Variants in MEGF6 observed in about 807,000 individuals in gnomAD.
MEGF6 encodes multiple EGF like domains 6.
MEGF6 carries 184 observed loss-of-function variants against 207.1 expected under a neutral mutation model. The ratio of observed to expected loss-of-function variants is 0.89; its 90% CI spans 0.79 to 1.00. The LOEUF is 1.00. MEGF6 is among the 50% of genes least tolerant of loss of function. The pLI, the probability that MEGF6 is intolerant of heterozygous loss-of-function variation, is 0.00. For synonymous variants in MEGF6, 1,038 were observed against 910.0 expected, an observed-to-expected ratio of 1.14 and a Z score of -2.53; for missense variants, 2,282 against 2,202.9, an observed-to-expected ratio of 1.04 and a Z score of -0.72.
intron 3 of MEGF6, among the ~76,000 whole-genome samples, chr1:3,583,890 AGCCACCAGACAACGCG>A (rs1643862331): frequency 6.6e-6 from 1 of 152,146 alleles, no homozygotes; most frequent in Non-Finnish European, 1.5e-5. Context: ...GACAACGCGC[AGCCACCAGACAACGCG>A]CAGCCACCAG....
chr1:3,590,707 C>T (rs1643962446), intron 3 of MEGF6, among the ~76,000 whole-genome samples: 1 of 152,084 alleles, frequency 6.6e-6, no homozygotes, highest in Admixed American at 6.5e-5. Context: ...GCATCATCGG[C>T]TCAGGGGCCT....
At chr1:3,601,774 C>T (rs1644162871) in intron 2 of MEGF6, among the ~76,000 whole-genome samples, 2 of 152,364 alleles carry the variant, frequency 1.3e-5, no homozygotes, top group African/African-American at 4.8e-5. Context: ...CTGCCAGAGC[C>T]CCCTGGAGCA....
chr1:3,618,740 A>G, the MEGF6 span, among the ~76,000 whole-genome samples: 2 of 152,096 alleles, frequency 1.3e-5, no homozygotes, highest in African/African-American at 4.8e-5. The surrounding 1 kb of genome is among the most constrained non-coding windows in gnomAD (Gnocchi z 4.7). Context: ...GCCCTCGTAC[A>G]CAGCCCTGGG....
At chr1:3,609,899 G>T (rs563574787) in intron 1 of MEGF6, among the ~76,000 whole-genome samples, 1 of 152,218 alleles carries the variant, frequency 6.6e-6, no homozygotes, top group Non-Finnish European at 1.5e-5. Context: ...ATCCACCTCC[G>T]CCAAGCAGCA....
In MEGF6 at chr1:3,493,908, G is replaced by A; in HGVS notation, c.4259-9C>T. ...TGAACCTGGCTCACACCCTGGTGGG[G>A]GCAGTGGGCTCAGTGTCCCCCTCCT... On this transcript the variant is annotated splice_polypyrimidine_tract_variant and intron_variant, in intron 33 of 36. Coordinates refer to ENST00000356575, the MANE Select transcript of MEGF6 (RefSeq NM_001409.4). The A allele has an allele frequency of 6.3e-7, 1 of 1,587,520 alleles. No individual in the cohort carries two copies. Among genetic ancestry groups the A allele is most frequent in the Admixed American group, 1.8e-5 (1 of 55,530 alleles).
At chr1:3,506,553 C>T (rs1370908031) in intron 14 of MEGF6, among the ~76,000 whole-genome samples, 2 of 152,218 alleles carry the variant, frequency 1.3e-5, no homozygotes, top group African/African-American at 2.4e-5. Context: ...ACTTCTGTCC[C>T]CTGGTGGTCA....
At chr1:3,493,353 GC>G in intron 34 of MEGF6, 1 of 242,116 alleles carries the variant, frequency 4.1e-6, no homozygotes, top group Non-Finnish European at 8.1e-6. Flanking sequence ...CCTCAGGTGA[GC>G]CCCTCCTATC....
intron 4 of MEGF6, among the ~76,000 whole-genome samples, chr1:3,548,035 C>T (rs1458852991): frequency 6.6e-6 from 1 of 152,200 alleles, no homozygotes; most frequent in Non-Finnish European, 1.5e-5. Context: ...GTTCAGCCCC[C>T]TGTGCCCCCG....
intron 4 of MEGF6, among the ~76,000 whole-genome samples, chr1:3,538,280 C>T (rs572296378): frequency 1.9e-4 from 29 of 152,334 alleles, no homozygotes; most frequent in African/African-American, 6.0e-4. Context: ...TCCTCGCACC[C>T]CTTCTCCCAC....
chr1:3,611,701 C>A (rs532358650), upstream of MEGF6, among the ~76,000 whole-genome samples: 26 of 142,790 alleles, frequency 1.8e-4, no homozygotes, highest in African/African-American at 6.4e-4. Context: ...CACCCCAGCC[C>A]GGCTCCTGCT....
In MEGF6 at chr1:3,583,906, G is replaced by A. The variant is rs866972376; in HGVS notation, c.377-3977C>T. 6.4e-4 allele frequency among the ~76,000 whole-genome samples: 94 copies of A among 147,808 alleles called. 4 individuals are homozygous for A. Among genetic ancestry groups the A allele is most frequent in the African/African-American group, 1.8e-3 (72 of 39,416 alleles). On this transcript the variant is annotated intron_variant, in intron 3 of 36. Transcript: ENST00000356575. ...ACAACGCGCAGCCACCAGACAACGC[G>A]CAGCCACCAGACAATGCACAGCCAC...
At position 3,490,302 on chromosome 1, in the gene MEGF6, C is replaced by A. The variant is rs893097810; in HGVS notation, c.*226G>T. 4 of 571,756 alleles carry A rather than the reference C, an allele frequency of 7.0e-6. No homozygotes were observed. The African/African-American group carries it at 7.7e-5, about 11-fold the overall frequency. The allele number at this position is 571,756 out of a possible 1,614,324, so 35.4% of individuals were successfully genotyped here. ...TGCCCCTGGGTTCTGCAGAGCCAGG[C>A]CAGGAGGCGCCTCTCTTCCAGCGGC... On this transcript the variant is annotated 3_prime_UTR_variant, in exon 37 of 37. Transcript: ENST00000356575.
intron 15 of MEGF6, among the ~76,000 whole-genome samples, 189 bp downstream of exon 15, chr1:3,505,919 C>T (rs77311226): frequency 0.01 from 1,542 of 152,342 alleles, 69 homozygotes; most frequent in Admixed American, 0.073. Context: ...GATGCCAGCA[C>T]AGTCACAGTC....
At chr1:3,606,150 A>C (rs1644247150) in intron 1 of MEGF6, among the ~76,000 whole-genome samples, 1 of 152,180 alleles carries the variant, frequency 6.6e-6, no homozygotes. Context: ...CCCACCAACC[A>C]TCGGGCTCTA....
intron 4 of MEGF6, among the ~76,000 whole-genome samples, chr1:3,539,408 G>A (rs943696961): frequency 7.2e-5 from 11 of 152,086 alleles, no homozygotes; most frequent in Admixed American, 5.2e-4. Context: ...GGCTCAGCGG[G>A]TCTCTCCTTC....
chr1:3,500,808 G>A, intron 20 of MEGF6, 44 bp from the exon 21 acceptor site: 1 of 1,596,672 alleles, frequency 6.3e-7, no homozygotes, highest in Non-Finnish European at 8.5e-7. Flanking sequence ...CCAAGCGCGG[G>A]CCACGGGCAC....
Position 3,605,134 on chromosome 1 carries a change from CCACA to C in MEGF6, c.132-2538_132-2535del, listed in dbSNP as rs200877839. On this transcript the variant is annotated intron_variant, in intron 1 of 36. Coordinates refer to ENST00000356575, the MANE Select transcript of MEGF6 (RefSeq NM_001409.4). ...CATTCACAACCACTCATACACACAC[CCACA>C]CACAGTCACACACTCACAGTCACAT... Among the ~76,000 whole-genome samples, 831 of 134,044 alleles carry C rather than the reference CCACA, an allele frequency of 6.2e-3. 6 individuals are homozygous for C. The highest frequency in any genetic ancestry group is 0.022 in the African/African-American group (798 of 36,240). The allele number at this position is 134,044 out of a possible 152,430, so 87.9% of individuals were successfully genotyped here.
Position 3,499,870 on chromosome 1 carries a change from T to C in MEGF6, c.2762A>G (p.His921Arg). The change falls in exon 22 of 37, where the codon CAT (histidine) becomes CGT (arginine). Residue 921 changes from histidine to arginine, a missense_variant. Physicochemically the swap from His to Arg is conservative, Grantham distance 29. Transcript: ENST00000356575. ...GCTGACGTGGTCACAGGCTGCTCCA[T>C]GCTGACACTGGCACCGCTGCTCACA... ...PGCEQRCQCQ[H>R]GAACDHVSGA... 1.9e-6 allele frequency: 3 copies of C among 1,559,278 alleles called. No homozygotes were observed. In the South Asian group the frequency reaches 3.5e-5, roughly 18 times the overall value.
At chr1:3,502,887 T>C (rs535278873) in intron 17 of MEGF6, among the ~76,000 whole-genome samples, 1 of 152,230 alleles carries the variant, frequency 6.6e-6, no homozygotes, top group African/African-American at 2.4e-5. Context: ...CAGCGAAGCC[T>C]CCCTGCCTCC....
Sources: allele counts gnomAD v4.1 joint callset (sites outside exome capture counted in the v4.1 genomes callset), GRCh38; gene constraint gnomAD v4.1.1; non-coding constraint Gnocchi (gnomAD v3.1); transcripts MANE v1.5; gene names NCBI Gene and HGNC (gene_info 2026-07-23, HGNC 2026-07-21).